The following NACC2 variants were observed in gnomAD, a reference collection of about 807,000 sequenced individuals.
The protein encoded by NACC2 is nucleus accumbens-associated protein 2.
NACC2 carries 8 observed loss-of-function variants against 25.1 expected under a neutral mutation model. The ratio of observed to expected loss-of-function variants is 0.32; its 90% confidence interval spans 0.19 to 0.57. The LOEUF (loss-of-function observed/expected upper bound fraction) is 0.57, where lower values mean the gene tolerates loss of function less well. Ranked by LOEUF, NACC2 falls within the 20% of genes least tolerant of loss-of-function variation. The pLI, the probability that NACC2 is intolerant of heterozygous loss-of-function variation, is 0.89. For missense variants in NACC2, 644 were observed against 650.2 expected, an observed-to-expected ratio of 0.99 and a Z score of 0.10; for synonymous variants, 435 against 294.7, an observed-to-expected ratio of 1.48 and a Z score of -4.88.
chr9:136,051,046 G>A (rs1328280922), intron 1 of NACC2, among the ~76,000 whole-genome samples: 5 of 152,110 alleles, frequency 3.3e-5, no homozygotes, highest in Admixed American at 2.0e-4. Flanking sequence ...AGGGAGGGAG[G>A]GGGGTCTCTG....
chr9:136,078,406 G>A (rs1036911577), intron 1 of NACC2, among the ~76,000 whole-genome samples: 1 of 152,194 alleles, frequency 6.6e-6, no homozygotes, highest in African/African-American at 2.4e-5. Flanking sequence ...TAAAGGCCCA[G>A]GCTTTTCCAT....
intron 2 of NACC2, 52 bp downstream of exon 2, chr9:136,049,584 G>A: frequency 1.4e-6 from 1 of 736,122 alleles, no homozygotes; most frequent in East Asian, 2.5e-5. Flanking sequence ...CGGGTCCCAG[G>A]CAGGCCCCGC....
rs765499165 is a variant in NACC2, at chr9:136,016,347, G to A, written c.969C>T (p.Ser323=). The change falls in exon 3 of 6, where the codon AGC becomes AGT. Residue 323 remains serine, a synonymous_variant. Transcript: ENST00000277554. ...AGCGGTATCCGATCTGGCTGATGAG[G>A]CTGGCAGGTAGGGCCACGAGGTCGC... The part of the protein sequence containing the change: ...IRRDLVALPA[S]LISQIGYRCH... 6.2e-7 allele frequency: 1 copy of A among 1,612,340 alleles called. No individual in the cohort carries two copies. Among genetic ancestry groups the A allele is most frequent in the African/African-American group, 1.3e-5 (1 of 74,904 alleles).
intron 1 of NACC2, among the ~76,000 whole-genome samples, chr9:136,059,946 C>G: frequency 6.6e-6 from 1 of 152,242 alleles, no homozygotes; most frequent in East Asian, 1.9e-4. Context: ...CGCACCCTGT[C>G]CCCTCCTCAG....
intron 1 of NACC2, among the ~76,000 whole-genome samples, chr9:136,077,826 G>A (rs1830279020): frequency 6.6e-6 from 1 of 152,254 alleles, no homozygotes; most frequent in African/African-American, 2.4e-5. Flanking sequence ...TTTGAAAAGT[G>A]AATAAGGAAT....
rs774877231 is a variant in NACC2, at chr9:136,055,689, A to T, written c.-59-5109T>A. On this transcript the variant is annotated intron_variant, in intron 1 of 5. Transcript: ENST00000277554. This position sits in a 1 kb window ranked among gnomAD's most constrained non-coding sequence, Gnocchi z 4.9. ...TTATCTTGCAGGATTTAATTTCACC[A>T]ATCTAATAAGAGGTTCTGGACCTCA... is the stretch of plus-strand genomic sequence containing the variant. 6.6e-6 allele frequency among the ~76,000 whole-genome samples: 1 copy of T among 152,178 alleles called. No individual in the cohort carries two copies. Among genetic ancestry groups the T allele is most frequent in the Non-Finnish European group, 1.5e-5 (1 of 68,022 alleles).
chr9:136,067,914 C>T (rs1841106657), intron 1 of NACC2, among the ~76,000 whole-genome samples: 1 of 152,156 alleles, frequency 6.6e-6, no homozygotes. Flanking sequence ...TGCTCCTGGG[C>T]TATAAACCTA....
intron 2 of NACC2, among the ~76,000 whole-genome samples, chr9:136,031,919 C>T (rs1840479923): frequency 6.9e-6 from 1 of 144,470 alleles, no homozygotes; most frequent in South Asian, 2.1e-4. Flanking sequence ...CACCAACACC[C>T]ACAGCTGATG....
At position 136,041,029 on chromosome 9, in the gene NACC2, G is replaced by GGA. The variant is rs1204246639; in HGVS notation, c.886+8606_886+8607insTC. 5.1e-3 allele frequency among the ~76,000 whole-genome samples: 378 copies of GGA among 74,342 alleles called. 6 individuals carry two copies. The South Asian group carries it at 0.071, about 14-fold the overall frequency. The allele number at this position is 74,342 out of a possible 152,430, so 48.8% of individuals were successfully genotyped here. On this transcript the variant is annotated intron_variant, in intron 2 of 5. Coordinates refer to ENST00000277554, the MANE Select transcript of NACC2 (RefSeq NM_144653.5). ...AAGGAAGGAAGGAAAGGAAAGGAAA[G>GGA]AAGGAAAGAAAAGGAAGGAAGGAAG...
chr9:136,057,933 G>A (rs989589616), intron 1 of NACC2, among the ~76,000 whole-genome samples: 2 of 152,144 alleles, frequency 1.3e-5, no homozygotes, highest in Non-Finnish European at 2.9e-5. Flanking sequence ...CATTAGAGAC[G>A]GCGACTTCGC....
chr9:136,048,784 C>T (rs913674469), intron 2 of NACC2, among the ~76,000 whole-genome samples: 2 of 152,224 alleles, frequency 1.3e-5, no homozygotes, highest in Non-Finnish European at 2.9e-5. Flanking sequence ...ACCAGCACTG[C>T]AGGAGGGGAA....
At chr9:136,016,537 T>C in intron 2 of NACC2, 108 bp from the exon 3 acceptor site, 3 of 1,368,034 alleles carry the variant, frequency 2.2e-6, no homozygotes, top group Non-Finnish European at 3.0e-6. Context: ...AGACCCACTC[T>C]GCCCACCTGG....
intron 1 of NACC2, among the ~76,000 whole-genome samples, chr9:136,090,835 A>G (rs1717416): frequency 0.55 from 83,392 of 151,934 alleles, 24,295 homozygotes; most frequent in South Asian, 0.68. Flanking sequence ...GGGGCCGGCC[A>G]GCCCTGGGCT....
At chr9:136,087,030 A>AAC (rs1830386499) in intron 1 of NACC2, among the ~76,000 whole-genome samples, 1 of 152,254 alleles carries the variant, frequency 6.6e-6, no homozygotes, top group Non-Finnish European at 1.5e-5. Flanking sequence ...GGTGGACCCT[A>AAC]ACATGCATCC....
rs553238701 is a variant in NACC2 at position 136,017,904 on chromosome 9, G to C, written c.887-1475C>G. On this transcript the variant is annotated intron_variant, in intron 2 of 5. Transcript: ENST00000277554. ...CCAGCCTCCACCTGCCCGATTGCAC[G>C]AGGGCAGCCTGCAGGTGGGAGAGGC... is the stretch of plus-strand genomic sequence containing the variant. 4.7e-4 allele frequency among the ~76,000 whole-genome samples: 71 copies of C among 152,340 alleles called. 1 individual carries two copies. In the South Asian group the frequency reaches 0.012, roughly 27 times the overall value.
chr9:136,076,822 C>T (rs2131182370), intron 1 of NACC2, among the ~76,000 whole-genome samples: 1 of 152,200 alleles, frequency 6.6e-6, no homozygotes, highest in East Asian at 1.9e-4. Flanking sequence ...TCCTGGCTAA[C>T]ACGGTGAAAC....
rs371591795 is a variant in NACC2 at position 136,094,032 on chromosome 9, G to A, written c.-60+1157C>T. ...CGGACTCTGGCAGGAGAGTGCGGCC[G>A]CGCTGGCGGGCGGGAACACCAAGGT... On this transcript the variant is annotated intron_variant, in intron 1 of 5. Coordinates refer to ENST00000277554, the MANE Select transcript of NACC2 (RefSeq NM_144653.5). Among the ~76,000 whole-genome samples the A allele has an allele frequency of 3.9e-5, 6 of 152,368 alleles. No homozygotes were observed. The East Asian group carries it at 7.7e-4, about 20-fold the overall frequency.
At chr9:136,062,108 A>T (rs1478767612) in intron 1 of NACC2, among the ~76,000 whole-genome samples, 1 of 145,688 alleles carries the variant, frequency 6.9e-6, no homozygotes, top group Non-Finnish European at 1.5e-5. Flanking sequence ...CCTGGGCAAC[A>T]GAGCGAGACA....
rs981712533 is a variant in NACC2 at position 136,013,716 on chromosome 9, G to A, written c.1157+148C>T. The A allele has an allele frequency of 2.0e-5, 13 of 655,464 alleles. No homozygotes were observed. Among genetic ancestry groups the A allele is most frequent in the Admixed American group, 5.7e-5 (2 of 35,262 alleles). 40.6% of individuals were successfully genotyped at this position (655,464 alleles called of 1,614,324 possible). A position where few individuals can be genotyped will look rare whatever the true frequency, so the allele number is the denominator to read the frequency against. ...CTCCCTCCCTGGGAGCCTCTCCACC[G>A]TCCTGGGGCCGACCGGCCACGGCTG... On this transcript the variant is annotated intron_variant, in intron 4 of 5. Transcript: ENST00000277554. This position sits in a 1 kb window ranked among gnomAD's most constrained non-coding sequence, Gnocchi z 6.6.
Sources: allele counts gnomAD v4.1 joint callset (sites outside exome capture counted in the v4.1 genomes callset), GRCh38; gene constraint gnomAD v4.1.1; non-coding constraint Gnocchi (gnomAD v3.1); transcripts MANE v1.5; gene names NCBI Gene and HGNC (gene_info 2026-07-23, HGNC 2026-07-21).